Variants in CNTNAP5 observed in about 807,000 individuals in gnomAD.
CNTNAP5 encodes contactin-associated protein-like 5.
CNTNAP5 carries 72 observed loss-of-function variants against 150.2 expected under a neutral mutation model. That is an observed-to-expected ratio of 0.48 (90% CI 0.40 to 0.58). The LOEUF is 0.58. CNTNAP5 is among the 20% of genes least tolerant of loss of function. CNTNAP5 has a pLI of 0.00. For synonymous variants in CNTNAP5, 672 were observed against 619.8 expected (o/e 1.08, Z -1.25); for missense variants, 1,636 against 1,626.2 (o/e 1.01, Z -0.10).
At chr2:124,297,395 C>A (rs1204996556) in intron 3 of CNTNAP5, among the ~76,000 whole-genome samples, 1 of 152,138 alleles carries the variant, frequency 6.6e-6, no homozygotes, top group African/African-American at 2.4e-5. Flanking sequence ...GAATGATACA[C>A]CCTTTGGATC....
At chr2:124,627,442 G>A (rs1006719940) in intron 12 of CNTNAP5, among the ~76,000 whole-genome samples, 2 of 151,784 alleles carry the variant, frequency 1.3e-5, no homozygotes, top group African/African-American at 2.4e-5. Flanking sequence ...AGGGTCTGGA[G>A]TGGACCCCCA....
intron 10 of CNTNAP5, among the ~76,000 whole-genome samples, chr2:124,555,820 A>G (rs1695740305): frequency 6.6e-6 from 1 of 152,246 alleles, no homozygotes; most frequent in Non-Finnish European, 1.5e-5. Flanking sequence ...TTCACAAACT[A>G]GAAGCGAAGA....
intron 1 of CNTNAP5, among the ~76,000 whole-genome samples, chr2:124,128,054 A>G (rs1486308717): frequency 1.3e-5 from 2 of 152,228 alleles, no homozygotes; most frequent in Non-Finnish European, 2.9e-5. Context: ...GCCAAAATTG[A>G]CAAATGGGAT....
intron 3 of CNTNAP5, among the ~76,000 whole-genome samples, chr2:124,386,909 G>C (rs1690942690): frequency 6.6e-6 from 1 of 152,170 alleles, no homozygotes; most frequent in African/African-American, 2.4e-5. Context: ...AGTCATAAGA[G>C]TGGAGCCCTA....
At chr2:124,081,069 A>T (rs1682550180) in intron 1 of CNTNAP5, among the ~76,000 whole-genome samples, 1 of 152,076 alleles carries the variant, frequency 6.6e-6, no homozygotes, top group Admixed American at 6.5e-5. Flanking sequence ...ATTTGCTTAT[A>T]TTTTTCTTTG....
intron 3 of CNTNAP5, among the ~76,000 whole-genome samples, chr2:124,305,644 A>G (rs1291170779): frequency 1.3e-5 from 2 of 152,164 alleles, no homozygotes; most frequent in Admixed American, 6.5e-5. Flanking sequence ...GACTTTGTCC[A>G]TTACTGTTAT....
At chr2:124,562,086 C>T (rs1342655982) in intron 10 of CNTNAP5, among the ~76,000 whole-genome samples, 1 of 152,100 alleles carries the variant, frequency 6.6e-6, no homozygotes, top group Non-Finnish European at 1.5e-5. Context: ...AAGAATAACC[C>T]AAAGGCACCA....
intron 1 of CNTNAP5, among the ~76,000 whole-genome samples, chr2:124,097,166 A>C (rs180749699): frequency 6.6e-6 from 1 of 152,188 alleles, no homozygotes; most frequent in Admixed American, 6.5e-5. Flanking sequence ...CCGTATCCCT[A>C]TGAGAAAAAT....
chr2:124,573,760 C>T (rs919409076), intron 11 of CNTNAP5, among the ~76,000 whole-genome samples: 2 of 152,090 alleles, frequency 1.3e-5, no homozygotes, highest in African/African-American at 4.8e-5. Flanking sequence ...TTCATTTGTG[C>T]CTCCACTTTG....
intron 3 of CNTNAP5, among the ~76,000 whole-genome samples, chr2:124,276,648 A>T (rs1687889443): frequency 6.6e-6 from 1 of 152,172 alleles, no homozygotes; most frequent in Non-Finnish European, 1.5e-5. Context: ...TTAGCTAAAC[A>T]TGTGACAGGG....
At chr2:124,567,908 A>C (rs961416035) in intron 11 of CNTNAP5, among the ~76,000 whole-genome samples, 2 of 149,590 alleles carry the variant, frequency 1.3e-5, no homozygotes, top group Non-Finnish European at 3.0e-5. Flanking sequence ...CCATTACAAC[A>C]TATCAATAAA....
At chr2:124,152,641 G>A (rs76003818) in intron 1 of CNTNAP5, among the ~76,000 whole-genome samples, 12,897 of 151,988 alleles carry the variant, frequency 0.085, 746 homozygotes, top group Non-Finnish European at 0.13. Context: ...GCTGAGAGCT[G>A]GAGAGAATTC....
intron 10 of CNTNAP5, among the ~76,000 whole-genome samples, chr2:124,540,861 T>G (rs1695365841): frequency 6.6e-6 from 1 of 152,202 alleles, no homozygotes; most frequent in African/African-American, 2.4e-5. Context: ...TAAACATATA[T>G]GCTCCCAAAT....
chr2:124,426,904 C>T (rs951582080), intron 4 of CNTNAP5, among the ~76,000 whole-genome samples: 3 of 152,154 alleles, frequency 2.0e-5, no homozygotes, highest in African/African-American at 7.2e-5. Flanking sequence ...TCTGTCTTGA[C>T]CCAAAAGGAG....
Position 124,916,168 on chromosome 2 carries a change from C to T in CNTNAP5, c.*1880C>T, listed in dbSNP as rs1678764127. On this transcript the variant is annotated 3_prime_UTR_variant, in exon 24 of 24. Coordinates refer to ENST00000682447, the MANE Select transcript of CNTNAP5 (RefSeq NM_001367498.1). Reference sequence around the variant, plus strand: ...ATGTTGTTTCAAATGCATATTCTCTCCTCGAAATTTTCTGTGGATTTGAGC... The same window carrying T: ...ATGTTGTTTCAAATGCATATTCTCTTCTCGAAATTTTCTGTGGATTTGAGC... Among the ~76,000 whole-genome samples, 1 of 151,992 alleles carries T rather than the reference C, an allele frequency of 6.6e-6. No individual in the cohort carries two copies. Among genetic ancestry groups the T allele is most frequent in the Non-Finnish European group, 1.5e-5 (1 of 67,974 alleles).
intron 17 of CNTNAP5, among the ~76,000 whole-genome samples, chr2:124,786,473 A>G (rs975124857): frequency 3.0e-5 from 4 of 134,456 alleles, no homozygotes; most frequent in Non-Finnish European, 6.2e-5. Flanking sequence ...GAAAGGAAGG[A>G]AGGAAGGAAG....
intron 15 of CNTNAP5, 73 bp from the exon 16 acceptor site, chr2:124,763,904 A>T (rs1457488476): frequency 6.3e-7 from 1 of 1,592,782 alleles, no homozygotes; most frequent in African/African-American, 1.4e-5. Flanking sequence ...CTTGAAAATT[A>T]TCCACATGTC....
intron 19 of CNTNAP5, among the ~76,000 whole-genome samples, chr2:124,815,651 G>A (rs1186541310): frequency 3.9e-5 from 6 of 152,058 alleles, no homozygotes; most frequent in African/African-American, 1.4e-4. Flanking sequence ...TGCTTAAGAT[G>A]CATCTATGGG....
At chr2:124,038,677 G>A (rs896585394) in intron 1 of CNTNAP5, among the ~76,000 whole-genome samples, 2 of 152,200 alleles carry the variant, frequency 1.3e-5, no homozygotes, top group Non-Finnish European at 2.9e-5. Flanking sequence ...TAAATTACAA[G>A]AGCGGCTTTG....
Sources: allele counts gnomAD v4.1 joint callset (sites outside exome capture counted in the v4.1 genomes callset), GRCh38; gene constraint gnomAD v4.1.1; transcripts MANE v1.5; gene names NCBI Gene and HGNC (gene_info 2026-07-23, HGNC 2026-07-21).